Variants in SIPA1L2 observed in about 807,000 individuals in gnomAD.
SIPA1L2 encodes the protein signal induced proliferation associated 1 like 2.
In SIPA1L2, 56 loss-of-function variants were observed where a neutral mutation model predicts 163.9. That is an observed-to-expected ratio of 0.34 (90% CI 0.28 to 0.43). The LOEUF is 0.43. Ranked by LOEUF, SIPA1L2 falls within the 20% of genes least tolerant of loss-of-function variation. The probability of loss-of-function intolerance (pLI) is 1.00; values close to 1 mark genes in which losing one functional copy is unlikely to be tolerated. For missense variants in SIPA1L2, 1,974 were observed against 2,193.5 expected (o/e 0.90, Z 2.00); for synonymous variants, 877 against 865.7 (o/e 1.01, Z -0.23).
chr1:232,444,905 A>C (rs1197921574), intron 11 of SIPA1L2, among the ~76,000 whole-genome samples: 2 of 152,250 alleles, frequency 1.3e-5, no homozygotes, highest in African/African-American at 4.8e-5. Context: ...TTAGAATAAA[A>C]GGAGTACGAA....
chr1:232,552,053 T>G lies in SIPA1L2; in HGVS notation c.-270+22121A>C, dbSNP rs1469372826. 8.5e-5 allele frequency among the ~76,000 whole-genome samples: 13 copies of G among 152,282 alleles called. No individual in the cohort carries two copies. The East Asian group carries it at 2.3e-3, about 27-fold the overall frequency. On this transcript the variant is annotated intron_variant, in intron 2 of 22. Transcript: ENST00000674635. The stretch of plus-strand genomic sequence containing the variant: ...CAGGGTTTCACCATGTTGGCCAGGC[T>G]GGTCTCGAATTCCTGACCTCAGGCG...
intron 1 of SIPA1L2, among the ~76,000 whole-genome samples, chr1:232,606,385 T>C (rs12057235): frequency 0.024 from 3,642 of 152,228 alleles, 147 homozygotes; most frequent in African/African-American, 0.083. Context: ...GGCCGGCAAT[T>C]ATACTGCTAA....
intron 1 of SIPA1L2, among the ~76,000 whole-genome samples, chr1:232,627,929 T>G (rs1663168676): frequency 6.6e-6 from 1 of 152,242 alleles, no homozygotes; most frequent in Non-Finnish European, 1.5e-5. Context: ...GTTTTTCTTC[T>G]TTTTCCTTCA....
At chr1:232,575,992 A>T (rs1353552281) in intron 1 of SIPA1L2, among the ~76,000 whole-genome samples, 3 of 152,208 alleles carry the variant, frequency 2.0e-5, no homozygotes, top group Non-Finnish European at 2.9e-5. Flanking sequence ...TAAAATCAGA[A>T]AGTACAACGG....
At chr1:232,564,101 T>C (rs1659219442) in intron 2 of SIPA1L2, among the ~76,000 whole-genome samples, 1 of 129,058 alleles carries the variant, frequency 7.7e-6, no homozygotes, top group Non-Finnish European at 1.5e-5. Context: ...AAGGAAGGTT[T>C]CATCATGTTG....
Position 232,428,794 on chromosome 1 carries a change from A to G in SIPA1L2, c.4257-230T>C, listed in dbSNP as rs367983041. ...TCTGAATAATTCAGACACAAATCAG[A>G]TCCCCAAAGCCCAGGATGAAAAAAT... is the stretch of plus-strand genomic sequence containing the variant. On this transcript the variant is annotated intron_variant, in intron 16 of 22. Transcript: ENST00000674635. Among the ~76,000 whole-genome samples the G allele has an allele frequency of 6.6e-5, 10 of 152,256 alleles. 1 individual carries two copies. Among genetic ancestry groups the G allele is most frequent in the African/African-American group, 2.4e-4 (10 of 41,542 alleles).
intron 1 of SIPA1L2, among the ~76,000 whole-genome samples, chr1:232,621,921 G>A (rs1381720613): frequency 6.6e-6 from 1 of 151,950 alleles, no homozygotes; most frequent in East Asian, 1.9e-4. Flanking sequence ...GTAGAGATGG[G>A]GCCTTGCTTT....
chr1:232,616,664 T>C (rs1197579926), intron 1 of SIPA1L2, among the ~76,000 whole-genome samples: 1 of 152,234 alleles, frequency 6.6e-6, no homozygotes, highest in African/African-American at 2.4e-5. Context: ...GCTTTTCCAC[T>C]GCCAGAGCAT....
intron 3 of SIPA1L2, among the ~76,000 whole-genome samples, chr1:232,508,885 C>A (rs190714331): frequency 1.3e-5 from 2 of 152,124 alleles, no homozygotes; most frequent in Non-Finnish European, 2.9e-5. Context: ...TGAAGACAGG[C>A]GTTCGAGACC....
chr1:232,465,403 T>C lies in SIPA1L2; in HGVS notation c.2257A>G (p.Arg753Gly). 1 of 1,608,282 alleles carries C rather than the reference T, an allele frequency of 6.2e-7. No homozygotes were observed. The highest frequency in any genetic ancestry group is 8.5e-7 in the Non-Finnish European group (1 of 1,175,822). Residue 753 changes from arginine to glycine, a missense_variant, in exon 9 of 23, where the codon AGA (arginine) becomes GGA (glycine). Arg to Gly is a moderately radical substitution (Grantham distance 125). This residue lies in a region of SIPA1L2 where 288 missense variants were observed against 418.9 expected (regional missense o/e 0.69). Transcript: ENST00000674635. This position sits in a 1 kb window ranked among gnomAD's most constrained non-coding sequence, Gnocchi z 4.1. Reference protein sequence around the residue: ...ENVCYSVGVSRSKDVPPFGPP... With the variant: ...ENVCYSVGVSGSKDVPPFGPP... ...CCAAATGGTGGCACATCTTTTGATC[T>C]GGAAACTCCAACACTGAGGAAGTAA...
At chr1:232,524,743 G>A (rs1667614289) in intron 2 of SIPA1L2, among the ~76,000 whole-genome samples, 1 of 152,008 alleles carries the variant, frequency 6.6e-6, no homozygotes, top group Admixed American at 6.5e-5. Flanking sequence ...GCCATATACA[G>A]AAAGGTTTAT....
rs1660468390 is a variant in SIPA1L2, at chr1:232,403,496, GGCA to G, written c.4889_4891del (p.Leu1630del). 6.2e-7 allele frequency: 1 copy of G among 1,614,060 alleles called. No individual in the cohort carries two copies. Among genetic ancestry groups the G allele is most frequent in the African/African-American group, 1.3e-5 (1 of 75,036 alleles). On this transcript the variant is annotated inframe_deletion, in exon 21 of 23. Coordinates refer to ENST00000674635, the MANE Select transcript of SIPA1L2 (RefSeq NM_020808.5). ...GCCACTGCCTGGATCTACACATAAG[GGCA>G]GCTCTTGGGCCCCTTCCAGGTCCTG... is the stretch of plus-strand genomic sequence containing the variant.
At chr1:232,625,177 T>C (rs1663008898) in intron 1 of SIPA1L2, among the ~76,000 whole-genome samples, 1 of 152,206 alleles carries the variant, frequency 6.6e-6, no homozygotes, top group Non-Finnish European at 1.5e-5. Flanking sequence ...ATGGGCTAGT[T>C]ATAAGATATG....
At chr1:232,446,686 C>T (rs1009717258) in intron 10 of SIPA1L2, among the ~76,000 whole-genome samples, 5 of 152,222 alleles carry the variant, frequency 3.3e-5, no homozygotes, top group Non-Finnish European at 7.3e-5. Context: ...AGGTTTCTCT[C>T]TCTTTCTCTG....
At chr1:232,408,288 GT>G (rs56832581) in intron 19 of SIPA1L2, among the ~76,000 whole-genome samples, 44 of 146,510 alleles carry the variant, frequency 3.0e-4, no homozygotes, top group African/African-American at 7.0e-4. Context: ...ATGAAGGACT[GT>G]TTTTTTTTTT....
intron 14 of SIPA1L2, 36 bp from the exon 15 acceptor site, chr1:232,439,532 A>T: frequency 6.3e-7 from 1 of 1,579,604 alleles, no homozygotes; most frequent in Non-Finnish European, 8.6e-7. Flanking sequence ...TTCTCAAGTG[A>T]ATCTTGAACT....
chr1:232,512,901 C>G (rs1381145670), intron 3 of SIPA1L2, among the ~76,000 whole-genome samples: 1 of 152,178 alleles, frequency 6.6e-6, no homozygotes, highest in African/African-American at 2.4e-5. Context: ...AGGAGAGTAG[C>G]GGGGCCCACC....
chr1:232,586,769 T>C (rs1372918374), intron 1 of SIPA1L2, among the ~76,000 whole-genome samples: 1 of 152,222 alleles, frequency 6.6e-6, no homozygotes, highest in Non-Finnish European at 1.5e-5. Flanking sequence ...AATGCGAAAC[T>C]GCTGGGAAAA....
chr1:232,456,692 A>G (rs1161822178), intron 10 of SIPA1L2, among the ~76,000 whole-genome samples: 1 of 152,242 alleles, frequency 6.6e-6, no homozygotes, highest in Non-Finnish European at 1.5e-5. Context: ...TTTGAAGGCC[A>G]GAGGCCAGGG....
Sources: allele counts gnomAD v4.1 joint callset (sites outside exome capture counted in the v4.1 genomes callset), GRCh38; gene constraint gnomAD v4.1.1; regional missense constraint gnomAD v4.1.1; non-coding constraint Gnocchi (gnomAD v3.1); transcripts MANE v1.5; gene names NCBI Gene and HGNC (gene_info 2026-07-23, HGNC 2026-07-21).